SOS1: variants seen among roughly 807,000 people sequenced by gnomAD.
SOS1 encodes SOS Ras/Rac guanine nucleotide exchange factor 1, also known as son of sevenless homolog 1.
Under a neutral mutation model 157.6 loss-of-function variants are expected in SOS1, and 25 were observed. The ratio of observed to expected loss-of-function variants is 0.16; its 90% CI spans 0.12 to 0.22. SOS1 has a LOEUF of 0.22. SOS1 is among the 10% of genes least tolerant of loss of function. SOS1 has a pLI of 1.00. For missense variants in SOS1, 1,237 were observed against 1,599.1 expected (o/e 0.77, Z 3.86); for synonymous variants, 528 against 534.0 (o/e 0.99, Z 0.16).
chr2:39,003,964 A>G (rs1296327047), intron 17 of SOS1, among the ~76,000 whole-genome samples: 1 of 152,100 alleles, frequency 6.6e-6, no homozygotes, highest in East Asian at 1.9e-4. Flanking sequence ...GCACCATCCC[A>G]ATTAGGACAA....
At chr2:39,082,431 A>C (rs1672236827) in intron 1 of SOS1, among the ~76,000 whole-genome samples, 1 of 152,068 alleles carries the variant, frequency 6.6e-6, no homozygotes, top group South Asian at 2.1e-4. Context: ...TTTCCTCTAC[A>C]TTTCTGGCAA....
intron 1 of SOS1, among the ~76,000 whole-genome samples, chr2:39,078,174 C>T: frequency 6.6e-6 from 1 of 151,928 alleles, no homozygotes; most frequent in South Asian, 2.1e-4. Context: ...GGTGCTCAGC[C>T]TCAATCTCAA....
chr2:39,054,664 T>C lies in SOS1; in HGVS notation c.670A>G (p.Lys224Glu), dbSNP rs889231089. The change falls in exon 5 of 23, where the codon AAA (lysine) becomes GAA (glutamate). Residue 224 changes from lysine to glutamate, a missense_variant. By Grantham distance (56) the Lys-to-Glu change is moderately conservative. Around this residue, in one of 15 missense-constraint regions of SOS1, gnomAD observed 108 missense variants for 115.3 expected, o/e 0.94. Transcript: ENST00000402219. ...QYIRELNLIIKVFREPFVSNS... is the reference protein window; with the variant it reads ...QYIRELNLIIEVFREPFVSNS... ...GAGACAAAGGGCTCTCTAAAAACTTTTATAATTAGATTTAGTTCCCTTATA... is the reference window on the plus strand; with the variant it reads ...GAGACAAAGGGCTCTCTAAAAACTTCTATAATTAGATTTAGTTCCCTTATA... 10 of 1,597,982 alleles carry C rather than the reference T, an allele frequency of 6.3e-6. No individual in the cohort carries two copies. The highest frequency in any genetic ancestry group is 7.7e-6 in the Non-Finnish European group (9 of 1,165,558).
chr2:39,011,376 T>TA (rs767350862), intron 14 of SOS1, among the ~76,000 whole-genome samples: 4 of 152,156 alleles, frequency 2.6e-5, no homozygotes, highest in Non-Finnish European at 5.9e-5. Context: ...TGATATCTGT[T>TA]ATAATCAGTT....
chr2:39,112,083 C>A (rs191380116), intron 1 of SOS1, among the ~76,000 whole-genome samples: 1 of 152,146 alleles, frequency 6.6e-6, no homozygotes, highest in African/African-American at 2.4e-5. Flanking sequence ...TCTAACTCAC[C>A]AAGATTTTGA....
chr2:39,065,623 C>G (rs537073723), intron 2 of SOS1, among the ~76,000 whole-genome samples: 1 of 152,280 alleles, frequency 6.6e-6, no homozygotes, highest in South Asian at 2.1e-4. Context: ...GTACCCTTTT[C>G]TCTCCATGTT....
At chr2:39,003,956 A>G (rs1453639671) in intron 17 of SOS1, among the ~76,000 whole-genome samples, 2 of 152,144 alleles carry the variant, frequency 1.3e-5, no homozygotes, top group Admixed American at 6.5e-5. Flanking sequence ...TGCCTGTAGC[A>G]CCATCCCAAT....
rs140097083 is a variant in SOS1 at position 39,003,540 on chromosome 2, A to G, written c.2791+2872T>C. 8.5e-5 allele frequency among the ~76,000 whole-genome samples: 13 copies of G among 152,356 alleles called. 1 individual carries two copies. The East Asian group carries it at 2.3e-3, about 27-fold the overall frequency. On this transcript the variant is annotated intron_variant, in intron 17 of 22. Transcript: ENST00000402219. ...TCATATTTTGTAAACATGATTAAATATTTAGAAAACCCAAGGAAATTAAAA... is the reference window on the plus strand; with the variant it reads ...TCATATTTTGTAAACATGATTAAATGTTTAGAAAACCCAAGGAAATTAAAA...
At chr2:39,101,541 G>T (rs1308584958) in intron 1 of SOS1, among the ~76,000 whole-genome samples, 3 of 151,836 alleles carry the variant, frequency 2.0e-5, no homozygotes, top group African/African-American at 7.3e-5. Context: ...AACTATACCT[G>T]GTTTGAATTA....
rs140088468 is a variant in SOS1 at position 39,117,286 on chromosome 2, C to A, written c.87+3050G>T. ...CTCGTGATCCGCCCACCTTGCTCTC[C>A]CAAAGTGCTGGATTACAGGCGTGAG... On this transcript the variant is annotated intron_variant, in intron 1 of 22. Transcript: ENST00000402219. 2.4e-3 allele frequency among the ~76,000 whole-genome samples: 361 copies of A among 152,244 alleles called. 3 individuals carry two copies. Among genetic ancestry groups the A allele is most frequent in the African/African-American group, 8.0e-3 (331 of 41,546 alleles).
intron 1 of SOS1, among the ~76,000 whole-genome samples, chr2:39,113,594 A>T (rs1186406255): frequency 6.6e-6 from 1 of 152,200 alleles, no homozygotes; most frequent in Non-Finnish European, 1.5e-5. Context: ...ACTAAATTAC[A>T]TGGGCAAATT....
intron 5 of SOS1, among the ~76,000 whole-genome samples, chr2:39,053,501 T>A (rs894024474): frequency 1.3e-5 from 2 of 152,222 alleles, no homozygotes; most frequent in Non-Finnish European, 2.9e-5. Context: ...TGTGTCCATT[T>A]AAAGTGAGTA....
At chr2:39,094,357 T>A (rs1057212773) in intron 1 of SOS1, among the ~76,000 whole-genome samples, 2 of 151,734 alleles carry the variant, frequency 1.3e-5, no homozygotes, top group African/African-American at 4.8e-5. Context: ...TTTTTAAGAG[T>A]GTGAAGGGGG....
At chr2:39,006,990 G>C in intron 16 of SOS1, 41 bp downstream of exon 16, 1 of 1,327,308 alleles carries the variant, frequency 7.5e-7, no homozygotes. Context: ...TTTTCTAATA[G>C]GGAATGAAAG....
At chr2:39,121,649 C>T (rs779574080), upstream of SOS1, among the ~76,000 whole-genome samples, 4 of 152,222 alleles carry the variant, frequency 2.6e-5, no homozygotes, top group Non-Finnish European at 5.9e-5. Flanking sequence ...TTTACAGCTC[C>T]TAGAGCACTG....
chr2:39,094,427 C>CACGA (rs1672699672), intron 1 of SOS1, among the ~76,000 whole-genome samples: 1 of 152,034 alleles, frequency 6.6e-6, no homozygotes, highest in Admixed American at 6.6e-5. Flanking sequence ...GCAGGTGGAT[C>CACGA]ACGAGGTCAG....
At position 38,995,091 on chromosome 2, in the gene SOS1, T is replaced by C. The variant is rs903752087; in HGVS notation, c.3346+32A>G. On this transcript the variant is annotated intron_variant, in intron 20 of 22. Coordinates refer to ENST00000402219, the MANE Select transcript of SOS1 (RefSeq NM_005633.4). Reference sequence around the variant, plus strand: ...CTCTAGCATGTATAGTACTAACAAATACCTTAATGCACTTAGAATTTTTGC... The same window carrying C: ...CTCTAGCATGTATAGTACTAACAAACACCTTAATGCACTTAGAATTTTTGC... 6.3e-6 allele frequency: 10 copies of C among 1,596,190 alleles called. No individual in the cohort carries two copies. The highest frequency in any genetic ancestry group is 8.6e-6 in the Non-Finnish European group (10 of 1,164,300).
At chr2:39,115,253 A>C (rs1204485839) in intron 1 of SOS1, among the ~76,000 whole-genome samples, 2 of 152,036 alleles carry the variant, frequency 1.3e-5, no homozygotes, top group African/African-American at 2.4e-5. Context: ...CCTCTCCCTA[A>C]ACAACCACTG....
intron 1 of SOS1, among the ~76,000 whole-genome samples, chr2:39,097,467 AG>A (rs1322087970): frequency 3.3e-5 from 5 of 152,236 alleles, no homozygotes; most frequent in East Asian, 1.9e-4. Context: ...AATGCAGGCT[AG>A]CAAAGAATGT....
Sources: allele counts gnomAD v4.1 joint callset (sites outside exome capture counted in the v4.1 genomes callset), GRCh38; gene constraint gnomAD v4.1.1; regional missense constraint gnomAD v4.1.1; transcripts MANE v1.5; gene names NCBI Gene and HGNC (gene_info 2026-07-23, HGNC 2026-07-21).